ADCK1: variants seen among roughly 807,000 people sequenced by gnomAD.
ADCK1 encodes aarF domain-containing protein kinase 1.
In ADCK1, 41 loss-of-function variants were observed where a neutral mutation model predicts 52.3. The ratio of observed to expected loss-of-function variants is 0.78; its 90% CI spans 0.61 to 1.02. The LOEUF (loss-of-function observed/expected upper bound fraction) is 1.02. Among genes scored for constraint, ADCK1 ranks in the 50% least tolerant of loss-of-function variants. The pLI is 0.00. For synonymous variants in ADCK1, 250 were observed against 274.6 expected, an observed-to-expected ratio of 0.91 and a Z score of 0.89; for missense variants, 658 against 679.5, an observed-to-expected ratio of 0.97 and a Z score of 0.35.
chr14:77,920,355 G>A (rs2084021105), intron 7 of ADCK1, among the ~76,000 whole-genome samples: 1 of 152,114 alleles, frequency 6.6e-6, no homozygotes, highest in Non-Finnish European at 1.5e-5. Flanking sequence ...TGTTGAAGAG[G>A]GTGTCGTTTT....
intron 4 of ADCK1, among the ~76,000 whole-genome samples, chr14:77,872,189 G>T (rs1225394571): frequency 6.6e-6 from 1 of 152,138 alleles, no homozygotes; most frequent in Admixed American, 6.5e-5. Flanking sequence ...AGAGATTGGC[G>T]TCCCTTTCCC....
At chr14:77,853,572 G>C (rs1163211146) in intron 3 of ADCK1, among the ~76,000 whole-genome samples, 2 of 152,114 alleles carry the variant, frequency 1.3e-5, no homozygotes, top group Non-Finnish European at 2.9e-5. Flanking sequence ...TATTTGTTTT[G>C]GGATATATGC....
At chr14:77,852,029 C>G (rs1028424039) in intron 3 of ADCK1, among the ~76,000 whole-genome samples, 2 of 151,386 alleles carry the variant, frequency 1.3e-5, no homozygotes, top group Non-Finnish European at 2.9e-5. Context: ...GACAGAGTCT[C>G]GCTCTGTTGC....
intron 4 of ADCK1, among the ~76,000 whole-genome samples, chr14:77,871,240 C>T (rs1310500783): frequency 1.3e-5 from 2 of 152,302 alleles, no homozygotes; most frequent in African/African-American, 2.4e-5. Flanking sequence ...CCAGTGGCTA[C>T]TGTGGGCAAA....
chr14:77,834,430 C>T (rs1023632724), intron 3 of ADCK1, among the ~76,000 whole-genome samples: 8 of 152,208 alleles, frequency 5.3e-5, no homozygotes, highest in Admixed American at 2.6e-4. Context: ...ACTCTTGTCT[C>T]GATCTTTACC....
chr14:77,917,329 A>T (rs1267856059), intron 7 of ADCK1, among the ~76,000 whole-genome samples: 1 of 151,960 alleles, frequency 6.6e-6, no homozygotes, highest in African/African-American at 2.4e-5. Flanking sequence ...TGAATGATTA[A>T]CCTCCTTATA....
chr14:77,927,381 A>G (rs1025710704), intron 9 of ADCK1, among the ~76,000 whole-genome samples: 2 of 152,200 alleles, frequency 1.3e-5, no homozygotes, highest in Non-Finnish European at 2.9e-5. Flanking sequence ...GATAAGGATA[A>G]TTTCCACTTT....
chr14:77,899,009 C>T (rs2083471426), intron 5 of ADCK1, 91 bp from the exon 6 acceptor site: 1 of 1,543,948 alleles, frequency 6.5e-7, no homozygotes, highest in African/African-American at 1.4e-5. Context: ...AGCAGTTTCC[C>T]TTACTCTAGG....
At chr14:77,801,028 A>G (rs1041386189) in intron 1 of ADCK1, among the ~76,000 whole-genome samples, 1 of 152,160 alleles carries the variant, frequency 6.6e-6, no homozygotes, top group Non-Finnish European at 1.5e-5. Context: ...GCAGGAGTTC[A>G]ACACCAGGCT....
At chr14:77,828,565 G>T (rs1169889199) in intron 3 of ADCK1, among the ~76,000 whole-genome samples, 1 of 151,964 alleles carries the variant, frequency 6.6e-6, no homozygotes, top group Non-Finnish European at 1.5e-5. Context: ...ATGGAGTTTT[G>T]CTCTTGTTGC....
intron 7 of ADCK1, among the ~76,000 whole-genome samples, chr14:77,916,593 T>C (rs1190530581): frequency 6.6e-6 from 1 of 152,144 alleles, no homozygotes; most frequent in African/African-American, 2.4e-5. Flanking sequence ...TAGCTGGGAC[T>C]ACAGGGGCAC....
At chr14:77,901,901 G>T (rs959845292) in intron 6 of ADCK1, among the ~76,000 whole-genome samples, 3 of 152,148 alleles carry the variant, frequency 2.0e-5, no homozygotes, top group African/African-American at 4.8e-5. Flanking sequence ...ACTCTAGGAT[G>T]GATCACCCTT....
chr14:77,917,984 C>T (rs2083964641), intron 7 of ADCK1, among the ~76,000 whole-genome samples: 1 of 152,128 alleles, frequency 6.6e-6, no homozygotes, highest in African/African-American at 2.4e-5. Flanking sequence ...GACTAACTGC[C>T]GACCAAGTGA....
chr14:77,805,015 T>C (rs1197480300), intron 1 of ADCK1, among the ~76,000 whole-genome samples: 1 of 151,842 alleles, frequency 6.6e-6, no homozygotes, highest in Non-Finnish European at 1.5e-5. Flanking sequence ...GAGACCAGCC[T>C]GACCAACATG....
At chr14:77,883,040 A>C (rs757812912) in intron 4 of ADCK1, among the ~76,000 whole-genome samples, 5 of 148,920 alleles carry the variant, frequency 3.4e-5, no homozygotes, top group Non-Finnish European at 5.9e-5. Flanking sequence ...CAGAGAAAGA[A>C]ACCAAATGAT....
At position 77,822,517 on chromosome 14, in the gene ADCK1, A is replaced by T. The variant is rs369693118; in HGVS notation, c.218A>T (p.Lys73Met). 83 of 1,612,892 alleles carry T rather than the reference A, an allele frequency of 5.1e-5. No individual in the cohort carries two copies. In the African/African-American group the frequency reaches 5.9e-4, roughly 11 times the overall value. Residue 73 changes from lysine (K) to methionine (M), a missense_variant and splice_region_variant, in exon 3 of 11, where the codon AAG becomes ATG. Coordinates refer to ENST00000238561, the MANE Select transcript of ADCK1 (RefSeq NM_020421.4). ...GAGGAGTACTTGCAGCTGAGATCTA[A>T]GGTAAGTAACCCATGGGACCCATCT... ...GSEEYLQLRS[K>M]VHLRSARRLC...
chr14:77,917,606 G>T (rs1276733617), intron 7 of ADCK1, among the ~76,000 whole-genome samples: 6 of 151,966 alleles, frequency 3.9e-5, no homozygotes, highest in Admixed American at 3.9e-4. Flanking sequence ...TAGATTCCTG[G>T]TTTTTTTCCC....
intron 5 of ADCK1, among the ~76,000 whole-genome samples, chr14:77,893,275 C>T (rs925584467): frequency 1.3e-5 from 2 of 152,062 alleles, no homozygotes; most frequent in Admixed American, 6.5e-5. Context: ...CGTCTGCTGG[C>T]GGGCTGGCTT....
intron 8 of ADCK1, among the ~76,000 whole-genome samples, chr14:77,925,325 G>A (rs1238221087): frequency 1.3e-5 from 2 of 152,262 alleles, no homozygotes; most frequent in African/African-American, 4.8e-5. Flanking sequence ...AGACTGCCAG[G>A]CTCTGCCTCC....
Sources: allele counts gnomAD v4.1 joint callset (sites outside exome capture counted in the v4.1 genomes callset), GRCh38; gene constraint gnomAD v4.1.1; transcripts MANE v1.5; gene names NCBI Gene and HGNC (gene_info 2026-07-23, HGNC 2026-07-21).